The following SUSD5 variants were observed in gnomAD, a reference collection of about 807,000 sequenced individuals.
SUSD5 encodes the protein sushi domain containing 5, also known as sushi domain-containing protein 5.
A neutral mutation model predicts 29.5 loss-of-function variants in SUSD5; 33 were observed. The ratio of observed to expected loss-of-function variants is 1.12; its 90% CI spans 0.85 to 1.49. The LOEUF (loss-of-function observed/expected upper bound fraction) is 1.49. Among genes scored for constraint, SUSD5 ranks in the 40% most tolerant of loss-of-function variants. The pLI is 0.00. For synonymous variants in SUSD5, 308 were observed against 325.3 expected (o/e 0.95, Z 0.57); for missense variants, 776 against 800.6 (o/e 0.97, Z 0.37).
chr3:33,166,633 C>A (rs2031310939), intron 4 of SUSD5, among the ~76,000 whole-genome samples: 1 of 152,108 alleles, frequency 6.6e-6, no homozygotes, highest in Admixed American at 6.5e-5. Flanking sequence ...CTTTGTATTC[C>A]CCCTGCCCAC....
chr3:33,193,216 A>AAAATAACCACC (rs1388746790), intron 3 of SUSD5, among the ~76,000 whole-genome samples: 1 of 152,226 alleles, frequency 6.6e-6, no homozygotes. Context: ...TAAGGAGTTT[A>AAAATAACCACC]ACACAGAAAA....
At chr3:33,211,722 T>G (rs1239364531) in intron 2 of SUSD5, among the ~76,000 whole-genome samples, 1 of 152,256 alleles carries the variant, frequency 6.6e-6, no homozygotes, top group Non-Finnish European at 1.5e-5. Flanking sequence ...AAAAGTGAAG[T>G]GGCTCCTGCC....
intron 3 of SUSD5, among the ~76,000 whole-genome samples, chr3:33,206,291 A>G (rs2032217048): frequency 1.3e-5 from 2 of 152,002 alleles, no homozygotes; most frequent in African/African-American, 4.8e-5. Context: ...GGAGAATCGC[A>G]TGAACCCAGA....
intron 3 of SUSD5, among the ~76,000 whole-genome samples, chr3:33,194,540 G>C (rs558351140): frequency 6.6e-6 from 1 of 152,196 alleles, no homozygotes; most frequent in African/African-American, 2.4e-5. Context: ...AGACAAGGCA[G>C]AACATGTTTC....
At chr3:33,198,711 C>A (rs1250356952) in intron 3 of SUSD5, among the ~76,000 whole-genome samples, 1 of 152,180 alleles carries the variant, frequency 6.6e-6, no homozygotes, top group African/African-American at 2.4e-5. Context: ...ACTGTTTTCT[C>A]AAACACACCA....
intron 2 of SUSD5, among the ~76,000 whole-genome samples, chr3:33,213,186 T>C (rs889266221): frequency 2.6e-5 from 4 of 152,064 alleles, no homozygotes; most frequent in Admixed American, 6.5e-5. Context: ...AGCAGGAGGA[T>C]TGCTTGAGGT....
chr3:33,198,441 T>C (rs2032038257), intron 3 of SUSD5, among the ~76,000 whole-genome samples: 1 of 152,220 alleles, frequency 6.6e-6, no homozygotes, highest in Admixed American at 6.5e-5. Context: ...ATTCACTTTC[T>C]TGTCATAAAC....
chr3:33,157,468 G>A (rs546090777), intron 4 of SUSD5, among the ~76,000 whole-genome samples: 2 of 152,158 alleles, frequency 1.3e-5, no homozygotes, highest in Non-Finnish European at 2.9e-5. Flanking sequence ...AAGTCATGAC[G>A]TATATCTTTG....
At chr3:33,155,335 C>G (rs2031026196) in intron 4 of SUSD5, among the ~76,000 whole-genome samples, 1 of 152,200 alleles carries the variant, frequency 6.6e-6, no homozygotes, top group African/African-American at 2.4e-5. Context: ...AGATGCTCAA[C>G]CTCACTAGTA....
chr3:33,170,988 T>G (rs559830397), intron 4 of SUSD5, among the ~76,000 whole-genome samples: 2 of 152,372 alleles, frequency 1.3e-5, no homozygotes, highest in African/African-American at 4.8e-5. Flanking sequence ...CTAAATGATA[T>G]ATTCGCAGGA....
chr3:33,173,274 G>A (rs1422921867), intron 4 of SUSD5, among the ~76,000 whole-genome samples: 3 of 152,210 alleles, frequency 2.0e-5, no homozygotes, highest in Admixed American at 6.5e-5. Context: ...ACAGCTGATG[G>A]GAGAGCAGAC....
At chr3:33,206,810 G>A (rs138311874) in intron 3 of SUSD5, among the ~76,000 whole-genome samples, 1 of 152,178 alleles carries the variant, frequency 6.6e-6, no homozygotes, top group East Asian at 1.9e-4. Context: ...TTCTCAACCT[G>A]GGCTGTACAT....
rs373448291 is a variant in SUSD5 at position 33,218,717 on chromosome 3, G to A, written c.81C>T (p.Leu27=). The A allele has an allele frequency of 3.6e-4, 482 of 1,337,100 alleles. 2 individuals carry two copies. In the African/African-American group the frequency reaches 6.5e-3, roughly 18 times the overall value. 82.8% of individuals were successfully genotyped at this position (1,337,100 alleles called of 1,614,324 possible). Residue 27 remains leucine (L), a synonymous_variant, in exon 1 of 5, where the codon CTC becomes CTT. Coordinates refer to ENST00000309558, the MANE Select transcript of SUSD5 (RefSeq NM_015551.2). ...CCCGCACCGAAAGGCGCGGCAGACC[G>A]AGCAGGAGCAGCGCCGCCGCCCAGA... is the stretch of plus-strand genomic sequence containing the variant. The part of the protein sequence containing the change: ...PGLWAAALLL[L]GLPRLSVRAD...
rs7614169 is a variant in SUSD5 at position 33,167,384 on chromosome 3, A to C, written c.598+7502T>G. The stretch of plus-strand genomic sequence containing the variant: ...CTTGACCTGGACACTTACAGTCTGA[A>C]CTATGTGTGTTTGTTTGTGTGCATG... On this transcript the variant is annotated intron_variant, in intron 4 of 4. Coordinates refer to ENST00000309558, the MANE Select transcript of SUSD5 (RefSeq NM_015551.2). This position sits in a 1 kb window ranked among gnomAD's most constrained non-coding sequence, Gnocchi z 4.1. Among the ~76,000 whole-genome samples the C allele has an allele frequency of 6.6e-6, 1 of 151,758 alleles. No individual in the cohort carries two copies. The highest frequency in any genetic ancestry group is 2.4e-5 in the African/African-American group (1 of 41,230).
chr3:33,177,786 T>A (rs547332180), intron 3 of SUSD5, among the ~76,000 whole-genome samples: 16 of 152,306 alleles, frequency 1.1e-4, no homozygotes, highest in African/African-American at 2.4e-4. Flanking sequence ...TTGCTTTTTT[T>A]AAAAAAATTA....
chr3:33,152,729 A>G lies in SUSD5; in HGVS notation c.*13T>C. On this transcript the variant is annotated 3_prime_UTR_variant, in exon 5 of 5. Transcript: ENST00000309558. Reference sequence around the variant, plus strand: ...CTCCCAAGTGGCTTTGGGAGAACCCACTCCAAAGGTGCCTAGACCTTCTCC... The same window carrying G: ...CTCCCAAGTGGCTTTGGGAGAACCCGCTCCAAAGGTGCCTAGACCTTCTCC... 6.3e-7 allele frequency: 1 copy of G among 1,580,860 alleles called. No individual in the cohort carries two copies. The highest frequency in any genetic ancestry group is 1.2e-5 in the South Asian group (1 of 86,016).
At chr3:33,171,560 ATCT>A (rs1422829562) in intron 4 of SUSD5, among the ~76,000 whole-genome samples, 4 of 152,152 alleles carry the variant, frequency 2.6e-5, no homozygotes, top group Non-Finnish European at 5.9e-5. Flanking sequence ...TGGACCTCTG[ATCT>A]TCTTCCAGCT....
intron 3 of SUSD5, 148 bp downstream of exon 3, chr3:33,207,660 C>T (rs1005943905): frequency 3.6e-5 from 20 of 558,362 alleles, no homozygotes; most frequent in African/African-American, 2.3e-4. Context: ...ACTTCCCCAC[C>T]GCACTATTGG....
chr3:33,176,794 G>C (rs12494605), intron 3 of SUSD5, among the ~76,000 whole-genome samples: 2 of 152,150 alleles, frequency 1.3e-5, no homozygotes, highest in Admixed American at 6.5e-5. Context: ...TCTGCGTCTA[G>C]GTAATCGTTT....
Sources: allele counts gnomAD v4.1 joint callset (sites outside exome capture counted in the v4.1 genomes callset), GRCh38; gene constraint gnomAD v4.1.1; non-coding constraint Gnocchi (gnomAD v3.1); transcripts MANE v1.5; gene names NCBI Gene and HGNC (gene_info 2026-07-23, HGNC 2026-07-21).